The following SHB variants were observed in gnomAD, a reference collection of about 807,000 sequenced individuals.
The protein encoded by SHB is SH2 domain-containing adapter protein B.
In SHB, 20 loss-of-function variants were observed where a neutral mutation model predicts 52.3. The ratio of observed to expected loss-of-function variants is 0.38; its 90% CI spans 0.27 to 0.56. SHB has a LOEUF of 0.56. SHB is among the 20% of genes least tolerant of loss of function. The pLI, the probability that SHB is intolerant of heterozygous loss-of-function variation, is 0.71. For synonymous variants in SHB, 397 were observed against 316.5 expected (o/e 1.25, Z -2.70); for missense variants, 825 against 723.3 (o/e 1.14, Z -1.61).
At chr9:37,975,910 G>C (rs1820647469) in intron 2 of SHB, among the ~76,000 whole-genome samples, 1 of 152,246 alleles carries the variant, frequency 6.6e-6, no homozygotes, top group South Asian at 2.1e-4. Context: ...GTGGAAGCAG[G>C]AGAGGGGTGG....
At chr9:38,021,109 G>A (rs1029173952) in intron 1 of SHB, among the ~76,000 whole-genome samples, 4 of 152,156 alleles carry the variant, frequency 2.6e-5, no homozygotes, top group Admixed American at 6.5e-5. Flanking sequence ...AGGCCGAGGC[G>A]GGCGGATTAC....
chr9:37,920,130 A>G lies in SHB; in HGVS notation c.1347-126T>C, dbSNP rs1832159366. On this transcript the variant is annotated intron_variant, in intron 5 of 5. Coordinates refer to ENST00000377707, the MANE Select transcript of SHB (RefSeq NM_003028.3). ...AAGTGGCTGTGAGCTGCACCTCTCC[A>G]AGCCAGGACCGAGGCCCAGGACCAG... 7 of 721,946 alleles carry G rather than the reference A, an allele frequency of 9.7e-6. No homozygotes were observed. In the South Asian group the frequency reaches 1.2e-4, roughly 13 times the overall value. The allele number at this position is 721,946 out of a possible 1,614,324, so 44.7% of individuals were successfully genotyped here.
chr9:38,044,072 T>C (rs1056788691), intron 1 of SHB, among the ~76,000 whole-genome samples: 4 of 152,200 alleles, frequency 2.6e-5, no homozygotes, highest in East Asian at 3.8e-4. Flanking sequence ...AACCTGCCAC[T>C]GCACATAAAT....
intron 5 of SHB, among the ~76,000 whole-genome samples, chr9:37,943,333 G>A (rs867347681): frequency 6.6e-6 from 1 of 152,124 alleles, no homozygotes; most frequent in African/African-American, 2.4e-5. Context: ...TGAGTTATAG[G>A]TGTAAGTGTC....
chr9:38,015,712 G>A (rs945950735), intron 2 of SHB, among the ~76,000 whole-genome samples: 3 of 152,318 alleles, frequency 2.0e-5, no homozygotes, highest in Non-Finnish European at 4.4e-5. Context: ...ATTTCTGATA[G>A]AACTACTTTT....
Position 38,068,483 on chromosome 9 carries a change from A to G in SHB, c.163T>C (p.Cys55Arg). The G allele has an allele frequency of 4.0e-6, 6 of 1,503,390 alleles. No homozygotes were observed. The highest frequency in any genetic ancestry group is 1.4e-5 in the African/African-American group (1 of 69,112). The allele number at this position is 1,503,390 out of a possible 1,614,324, so 93.1% of individuals were successfully genotyped here. A position where few individuals can be genotyped will look rare whatever the true frequency, so the allele number is the denominator to read the frequency against. ...PQASSAASAS[C>R]GPATASCFSA... The stretch of plus-strand genomic sequence containing the variant: ...AAGCAGGAGGCGGTGGCCGGACCGC[A>G]GGACGCCGAGGCGGCGGAGGAGGCC... Residue 55 changes from cysteine (C) to arginine (R), a missense_variant, in exon 1 of 6, where the codon TGC (cysteine) becomes CGC (arginine). Transcript: ENST00000377707.
chr9:37,968,205 T>G (rs927830947), intron 3 of SHB, among the ~76,000 whole-genome samples: 4 of 152,266 alleles, frequency 2.6e-5, no homozygotes, highest in Non-Finnish European at 5.9e-5. Context: ...CTTTAGGGCT[T>G]ACCATGTCTT....
intron 2 of SHB, among the ~76,000 whole-genome samples, chr9:37,991,001 T>G (rs186836041): frequency 6.6e-6 from 1 of 152,178 alleles, no homozygotes; most frequent in Admixed American, 6.5e-5. Context: ...GGGAGGGAGA[T>G]TTCACTTTTT....
intron 3 of SHB, among the ~76,000 whole-genome samples, chr9:37,972,567 G>A (rs1302302120): frequency 3.3e-5 from 5 of 152,226 alleles, no homozygotes; most frequent in African/African-American, 9.6e-5. Context: ...AGTGATGTAT[G>A]CAGGAAACTC....
chr9:38,037,365 C>T (rs990176330), intron 1 of SHB, among the ~76,000 whole-genome samples: 4 of 152,296 alleles, frequency 2.6e-5, no homozygotes, highest in African/African-American at 4.8e-5. Context: ...CACCACTGCC[C>T]GCTCCAGTCA....
At chr9:38,040,827 T>C (rs1394637531) in intron 1 of SHB, among the ~76,000 whole-genome samples, 1 of 150,796 alleles carries the variant, frequency 6.6e-6, no homozygotes, top group Non-Finnish European at 1.5e-5. Flanking sequence ...GGCTTTGCCA[T>C]AAATGGAGGA....
chr9:38,014,325 T>C (rs2183128), intron 2 of SHB, among the ~76,000 whole-genome samples: 67,601 of 152,138 alleles, frequency 0.44, 15,176 homozygotes, highest in Middle Eastern at 0.51. Context: ...GACAGAGCTG[T>C]AGGGAGGTGC....
chr9:38,066,360 A>G (rs749779673), intron 1 of SHB, among the ~76,000 whole-genome samples: 1 of 152,134 alleles, frequency 6.6e-6, no homozygotes, highest in East Asian at 1.9e-4. Flanking sequence ...CGTGCCTTTT[A>G]TATACAAGAC....
chr9:38,055,210 G>C (rs1471214521), intron 1 of SHB, among the ~76,000 whole-genome samples: 1 of 152,184 alleles, frequency 6.6e-6, no homozygotes, highest in Non-Finnish European at 1.5e-5. Flanking sequence ...GTTCGGCAGT[G>C]TTCAGAAATC....
chr9:37,978,745 G>A (rs529400299), intron 2 of SHB, among the ~76,000 whole-genome samples: 1 of 152,288 alleles, frequency 6.6e-6, no homozygotes, highest in South Asian at 2.1e-4. Flanking sequence ...AACACCAAGA[G>A]CTGAAAAACC....
chr9:38,017,730 C>T lies in SHB; in HGVS notation c.718-1599G>A, dbSNP rs139447415. ...CAGGCTCTGAGTCCCAGTGGGGACCCAGTAGGGGTGGCTTCCAGATGCTGA... is the reference window on the plus strand; with the variant it reads ...CAGGCTCTGAGTCCCAGTGGGGACCTAGTAGGGGTGGCTTCCAGATGCTGA... On this transcript the variant is annotated intron_variant, in intron 1 of 5. Coordinates refer to ENST00000377707, the MANE Select transcript of SHB (RefSeq NM_003028.3). Among the ~76,000 whole-genome samples the T allele has an allele frequency of 2.1e-3, 320 of 152,322 alleles. 2 individuals are homozygous for T. The highest frequency in any genetic ancestry group is 3.5e-3 in the Admixed American group (53 of 15,300).
rs1832146104 is a variant in SHB, at chr9:37,919,382, T to G, written c.*439A>C. 1 of 162,514 alleles carries G rather than the reference T, an allele frequency of 6.2e-6. No individual in the cohort carries two copies. The highest frequency in any genetic ancestry group is 1.3e-5 in the Non-Finnish European group (1 of 74,138). 10.1% of individuals were successfully genotyped at this position (162,514 alleles called of 1,614,324 possible). A position where few individuals can be genotyped will look rare whatever the true frequency, so the allele number is the denominator to read the frequency against. The stretch of plus-strand genomic sequence containing the variant: ...TCCGGGACTCTCAAAGCACCAGCAT[T>G]TGGCTCCCAGCATCAGTAGGGGGGC... On this transcript the variant is annotated 3_prime_UTR_variant, in exon 6 of 6. Coordinates refer to ENST00000377707, the MANE Select transcript of SHB (RefSeq NM_003028.3).
At chr9:37,920,285 CAAAACAAAACAAAA>C (rs1832162960) in intron 5 of SHB, among the ~76,000 whole-genome samples, 1 of 78,560 alleles carries the variant, frequency 1.3e-5, no homozygotes, top group Non-Finnish European at 2.4e-5. Flanking sequence ...AAAAACAAAA[CAAAACAAAACAAAA>C]CAAAACAAAA....
In SHB at chr9:37,918,001, C is replaced by T. The variant is rs893233663; in HGVS notation, c.*1820G>A. Among the ~76,000 whole-genome samples, 10 of 152,322 alleles carry T rather than the reference C, an allele frequency of 6.6e-5. No homozygotes were observed. Among genetic ancestry groups the T allele is most frequent in the South Asian group, 2.1e-4 (1 of 4,828 alleles). On this transcript the variant is annotated 3_prime_UTR_variant, in exon 6 of 6. Transcript: ENST00000377707. ...GTCCCAGCTCGACACGTGGCCTTGG[C>T]GAGTCCTCCTTCTCCGGGCCTGTGT... is the stretch of plus-strand genomic sequence containing the variant.
Sources: allele counts gnomAD v4.1 joint callset (sites outside exome capture counted in the v4.1 genomes callset), GRCh38; gene constraint gnomAD v4.1.1; transcripts MANE v1.5; gene names NCBI Gene and HGNC (gene_info 2026-07-23, HGNC 2026-07-21).